Variants in PCDHAC1 observed in about 807,000 individuals in gnomAD.
The protein encoded by PCDHAC1 is protocadherin alpha subfamily C, 1.
In PCDHAC1, 42 loss-of-function variants were observed where a neutral mutation model predicts 60.0. The ratio of observed to expected loss-of-function variants is 0.70; its 90% confidence interval spans 0.55 to 0.90. The LOEUF (loss-of-function observed/expected upper bound fraction) is 0.90. Ranked by LOEUF, PCDHAC1 falls within the 40% of genes least tolerant of loss-of-function variation. The pLI is 0.00. For missense variants in PCDHAC1, 1,160 were observed against 1,222.3 expected (o/e 0.95, Z 0.76); for synonymous variants, 468 against 499.3 (o/e 0.94, Z 0.84).
intron 1 of PCDHAC1, among the ~76,000 whole-genome samples, chr5:140,950,547 TGGG>T (rs1385873509): frequency 6.6e-6 from 1 of 152,064 alleles, no homozygotes; most frequent in Non-Finnish European, 1.5e-5. Flanking sequence ...CTTGCATGGC[TGGG>T]GGGACACTTA....
rs576221086 is a variant in PCDHAC1, at chr5:140,933,031, A to G, written c.2433+3706A>G. Among the ~76,000 whole-genome samples, 5 of 152,154 alleles carry G rather than the reference A, an allele frequency of 3.3e-5. No individual in the cohort carries two copies. The South Asian group carries it at 6.2e-4, about 19-fold the overall frequency. ...AATATTAACACTTGGCAGAACTTCAAGTGAATATGGATTACAGTCCAGGAT... is the reference window on the plus strand; with the variant it reads ...AATATTAACACTTGGCAGAACTTCAGGTGAATATGGATTACAGTCCAGGAT... On this transcript the variant is annotated intron_variant, in intron 1 of 3. Coordinates refer to ENST00000253807, the MANE Select transcript of PCDHAC1 (RefSeq NM_018898.5).
chr5:140,961,970 G>A (rs1282918892), intron 1 of PCDHAC1, among the ~76,000 whole-genome samples: 1 of 150,888 alleles, frequency 6.6e-6, no homozygotes, highest in Non-Finnish European at 1.5e-5. Flanking sequence ...TGCAACCTCC[G>A]CCTCCTGGGT....
Position 140,929,020 on chromosome 5 carries a change from A to C in PCDHAC1, c.2128A>C (p.Ser710Arg), listed in dbSNP as rs1183262810. The change falls in exon 1 of 4, where the codon AGC becomes CGC. Residue 710 changes from serine (S) to arginine (R), a missense_variant. Ser to Arg is a moderately radical substitution (Grantham distance 110, BLOSUM62 -1). This residue lies in a region of PCDHAC1 where 1,113 missense variants were observed against 1,163.7 expected (regional missense o/e 0.96). Coordinates refer to ENST00000253807, the MANE Select transcript of PCDHAC1 (RefSeq NM_018898.5). ...LFFVCTKLHQ[S>R]PGCCAQSCCR... ...CTTCGTGTGTACCAAGTTGCACCAG[A>C]GCCCAGGCTGTTGCGCTCAGAGCTG... is the stretch of plus-strand genomic sequence containing the variant. 6 of 1,614,070 alleles carry C rather than the reference A, an allele frequency of 3.7e-6. No individual in the cohort carries two copies. The highest frequency in any genetic ancestry group is 5.1e-6 in the Non-Finnish European group (6 of 1,180,044).
At chr5:140,983,299 A>T (rs1554245269) in intron 3 of PCDHAC1, among the ~76,000 whole-genome samples, 1 of 152,186 alleles carries the variant, frequency 6.6e-6, no homozygotes. Flanking sequence ...GCTTAAACTC[A>T]CATTTGCTTG....
chr5:140,926,752 C>G lies in PCDHAC1; in HGVS notation c.-141C>G. On this transcript the variant is annotated 5_prime_UTR_variant, in exon 1 of 4. Coordinates refer to ENST00000253807, the MANE Select transcript of PCDHAC1 (RefSeq NM_018898.5). The stretch of plus-strand genomic sequence containing the variant: ...GTTCGGGAGGCGCAACGTCGGCGGT[C>G]GCTGAGTATCCAGCCCGCAGCAGTG... 1.6e-6 allele frequency: 2 copies of G among 1,254,462 alleles called. No homozygotes were observed. The highest frequency in any genetic ancestry group is 5.7e-5 in the East Asian group (2 of 34,800). The allele number at this position is 1,254,462 out of a possible 1,614,324, so 77.7% of individuals were successfully genotyped here.
At chr5:140,950,168 T>C (rs2094454639) in intron 1 of PCDHAC1, among the ~76,000 whole-genome samples, 1 of 151,996 alleles carries the variant, frequency 6.6e-6, no homozygotes, top group Non-Finnish European at 1.5e-5. Context: ...TTATGTACTT[T>C]AGAGAATTAA....
intron 1 of PCDHAC1, chr5:140,969,476 A>G: frequency 6.8e-7 from 1 of 1,473,576 alleles, no homozygotes; most frequent in Non-Finnish European, 9.0e-7. Context: ...CAATTTGATC[A>G]TAATCTGCTA....
At chr5:140,996,036 C>T (rs1324761666) in intron 3 of PCDHAC1, among the ~76,000 whole-genome samples, 1 of 152,190 alleles carries the variant, frequency 6.6e-6, no homozygotes, top group Non-Finnish European at 1.5e-5. Context: ...GCTCCTAGCA[C>T]TTAACACAGT....
chr5:140,979,006 A>G lies in PCDHAC1; in HGVS notation c.2491A>G (p.Ser831Gly), dbSNP rs149397164. ...TGCCTCCCTGAGAGCAGGCATGCAC[A>G]GGTATGTATTTCCCTCCTCATTCAC... ...YSASLRAGMH[S>G]SVHLEEAGIL... Residue 831 changes from serine (S) to glycine (G), a missense_variant and splice_region_variant, in exon 2 of 4, where the codon AGC becomes GGC. Ser to Gly is a moderately conservative substitution (Grantham distance 56). This residue lies in a region of PCDHAC1 where 1,113 missense variants were observed against 1,163.7 expected (regional missense o/e 0.96). Coordinates refer to ENST00000253807, the MANE Select transcript of PCDHAC1 (RefSeq NM_018898.5). The G allele has an allele frequency of 4.3e-6, 7 of 1,614,000 alleles. No individual in the cohort carries two copies. The highest frequency in any genetic ancestry group is 5.1e-6 in the Non-Finnish European group (6 of 1,179,938).
At chr5:140,982,211 A>G (rs1554243869) in intron 2 of PCDHAC1, 1 of 476,036 alleles carries the variant, frequency 2.1e-6, no homozygotes, top group African/African-American at 2.0e-5. Flanking sequence ...AGTGAGCGCC[A>G]CATGGCGTTA....
In PCDHAC1 at chr5:140,927,131, C is replaced by T. The variant is rs782433395; in HGVS notation, c.239C>T (p.Pro80Leu). 6.2e-7 allele frequency: 1 copy of T among 1,614,078 alleles called. No individual in the cohort carries two copies. The highest frequency in any genetic ancestry group is 8.5e-7 in the Non-Finnish European group (1 of 1,179,982). Reference sequence around the variant, plus strand: ...AGCGGCAATTTGGTGGTCAGAGAGCCGGCGGACCGCGAACAGCTGTGCAGG... The same window carrying T: ...AGCGGCAATTTGGTGGTCAGAGAGCTGGCGGACCGCGAACAGCTGTGCAGG... ...LPSGNLVVRE[P>L]ADREQLCRAK... The change falls in exon 1 of 4, where the codon CCG (proline) becomes CTG (leucine). Residue 80 changes from proline (P) to leucine (L), a missense_variant. Coordinates refer to ENST00000253807, the MANE Select transcript of PCDHAC1 (RefSeq NM_018898.5).
In PCDHAC1 at chr5:141,010,583, G is replaced by A. The variant is rs1186884021; in HGVS notation, c.*646G>A. The A allele has an allele frequency of 4.1e-5, 10 of 242,992 alleles. No individual in the cohort carries two copies. The highest frequency in any genetic ancestry group is 3.6e-4 in the Admixed American group (7 of 19,606). 15.1% of individuals were successfully genotyped at this position (242,992 alleles called of 1,614,324 possible). A position where few individuals can be genotyped will look rare whatever the true frequency, so the allele number is the denominator to read the frequency against. The stretch of plus-strand genomic sequence containing the variant: ...TGACAAGGCTTTAGGAGACCCTAAA[G>A]TCTGTTGGCTGTGACGTCATTATAC... On this transcript the variant is annotated 3_prime_UTR_variant, in exon 4 of 4. Coordinates refer to ENST00000253807, the MANE Select transcript of PCDHAC1 (RefSeq NM_018898.5).
intron 1 of PCDHAC1, among the ~76,000 whole-genome samples, chr5:140,953,010 G>C (rs116014174): frequency 0.016 from 2,468 of 152,152 alleles, 61 homozygotes; most frequent in African/African-American, 0.055. Flanking sequence ...ACTATTATGA[G>C]AACAACATTA....
intron 1 of PCDHAC1, among the ~76,000 whole-genome samples, chr5:140,975,536 A>G (rs957684886): frequency 2.0e-5 from 3 of 152,226 alleles, no homozygotes; most frequent in Admixed American, 1.3e-4. Flanking sequence ...TATTCTTAAT[A>G]CAGTCCTATT....
chr5:140,994,263 C>G (rs1329526022), intron 3 of PCDHAC1, among the ~76,000 whole-genome samples: 1 of 152,160 alleles, frequency 6.6e-6, no homozygotes, highest in African/African-American at 2.4e-5. Flanking sequence ...ATAAGGTAAG[C>G]TAGGCTGCCT....
At chr5:140,990,445 A>C (rs1212288513) in intron 3 of PCDHAC1, among the ~76,000 whole-genome samples, 2 of 152,140 alleles carry the variant, frequency 1.3e-5, no homozygotes, top group Non-Finnish European at 2.9e-5. Context: ...TTGTGTCCAG[A>C]GCTGTTGCTG....
intron 1 of PCDHAC1, chr5:140,967,767 A>G (rs782195052): frequency 1.2e-6 from 2 of 1,614,216 alleles, no homozygotes; most frequent in East Asian, 2.2e-5. Context: ...TACCAGATCT[A>G]TGTGCAGGCG....
intron 1 of PCDHAC1, among the ~76,000 whole-genome samples, chr5:140,933,742 A>G (rs1242551337): frequency 6.6e-6 from 1 of 152,068 alleles, no homozygotes; most frequent in Non-Finnish European, 1.5e-5. Context: ...AATATTTGGT[A>G]GAATTCACTA....
intron 3 of PCDHAC1, among the ~76,000 whole-genome samples, chr5:140,990,610 C>T (rs781969043): frequency 4.6e-5 from 7 of 152,080 alleles, no homozygotes; most frequent in African/African-American, 9.7e-5. Flanking sequence ...AGATGAATAC[C>T]GTAAAGGTCT....
Sources: gnomAD v4.1 joint callset for allele counts (sites outside exome capture counted in the v4.1 genomes callset) on GRCh38, gnomAD v4.1.1 for gene constraint, gnomAD v4.1.1 regional missense constraint, MANE v1.5 for transcripts, NCBI Gene and HGNC (gene_info 2026-07-23, HGNC 2026-07-21) for gene names.